GLDC: variants seen among roughly 807,000 people sequenced by gnomAD.
The protein encoded by GLDC is glycine dehydrogenase (decarboxylating), mitochondrial.
Under a neutral mutation model 121.3 loss-of-function variants are expected in GLDC, and 104 were observed. The observed-to-expected ratio is 0.86, with a 90% CI of 0.73 to 1.01. The LOEUF is 1.01. Among genes scored for constraint, GLDC ranks in the 50% least tolerant of loss-of-function variants. The pLI is 0.00. For missense variants in GLDC, 1,429 were observed against 1,306.6 expected (o/e 1.09, Z -1.44); for synonymous variants, 546 against 480.6 (o/e 1.14, Z -1.78).
intron 2 of GLDC, among the ~76,000 whole-genome samples, chr9:6,625,668 T>G (rs1819220329): frequency 6.6e-6 from 1 of 152,208 alleles, no homozygotes; most frequent in East Asian, 1.9e-4. Flanking sequence ...ATAGAGGTGC[T>G]CAAATGTGTT....
chr9:6,580,688 C>T (rs1409939277), intron 15 of GLDC, among the ~76,000 whole-genome samples: 2 of 152,144 alleles, frequency 1.3e-5, no homozygotes, highest in African/African-American at 2.4e-5. Context: ...CTTCTTTTCT[C>T]AAAAGCTGGT....
intron 15 of GLDC, among the ~76,000 whole-genome samples, chr9:6,573,499 T>C (rs995638362): frequency 6.6e-6 from 1 of 151,900 alleles, no homozygotes; most frequent in African/African-American, 2.4e-5. Context: ...TATGTGATTT[T>C]TTAAAAAAAA....
chr9:6,605,497 C>T (rs550575658), intron 5 of GLDC: 11 of 599,236 alleles, frequency 1.8e-5, no homozygotes, highest in African/African-American at 1.8e-4. Context: ...CTTCTATCCT[C>T]TGACTCCCCT....
intron 16 of GLDC, among the ~76,000 whole-genome samples, chr9:6,564,791 T>A (rs972836845): frequency 6.6e-6 from 1 of 152,238 alleles, no homozygotes; most frequent in Non-Finnish European, 1.5e-5. Context: ...CAAGAGGCGA[T>A]TGGGATCCTG....
rs773354023 is a variant in GLDC, at chr9:6,554,661, G to A, written c.2315+8C>T. 1 of 1,589,958 alleles carries A rather than the reference G, an allele frequency of 6.3e-7. No homozygotes were observed. The highest frequency in any genetic ancestry group is 8.6e-7 in the Non-Finnish European group (1 of 1,160,600). ...AAGCCATCCTGAAACCAGCAGCCCA[G>A]AACTTACACTCCGATGGGCCCCATG... is the stretch of plus-strand genomic sequence containing the variant. On this transcript the variant is annotated splice_region_variant and intron_variant, in intron 19 of 24. Transcript: ENST00000321612.
In GLDC at chr9:6,536,305, C is replaced by T. The variant is rs535201181; in HGVS notation, c.2666-69G>A. ...GCCTACCCAGTTTGGAAGAAAAGTTCGTATCCCTTCTTATATTTTATCCTA... is the reference window on the plus strand; with the variant it reads ...GCCTACCCAGTTTGGAAGAAAAGTTTGTATCCCTTCTTATATTTTATCCTA... On this transcript the variant is annotated intron_variant, in intron 22 of 24. Transcript: ENST00000321612. 26 of 1,261,300 alleles carry T rather than the reference C, an allele frequency of 2.1e-5. No individual in the cohort carries two copies. The East Asian group carries it at 5.7e-4, about 28-fold the overall frequency. 78.1% of individuals were successfully genotyped at this position (1,261,300 alleles called of 1,614,324 possible). A position where few individuals can be genotyped will look rare whatever the true frequency, so the allele number is the denominator to read the frequency against.
intron 15 of GLDC, among the ~76,000 whole-genome samples, chr9:6,586,818 C>T (rs1818280800): frequency 1.3e-5 from 2 of 152,180 alleles, no homozygotes; most frequent in African/African-American, 2.4e-5. Context: ...CTTCTCCATG[C>T]TTCATCTGGG....
At chr9:6,619,873 T>G (rs1819047912) in intron 3 of GLDC, among the ~76,000 whole-genome samples, 1 of 152,204 alleles carries the variant, frequency 6.6e-6, no homozygotes, top group South Asian at 2.1e-4. Context: ...TCTGCCCACC[T>G]GCAGGTTTCA....
Position 6,534,696 on chromosome 9 carries a change from C to A in GLDC, c.2919+12G>T. The A allele has an allele frequency of 6.7e-7, 1 of 1,481,504 alleles. No individual in the cohort carries two copies. 91.8% of individuals were successfully genotyped at this position (1,481,504 alleles called of 1,614,324 possible). The stretch of plus-strand genomic sequence containing the variant: ...CCTTCCCAGCTGGCACATTCAGATT[C>A]AGAGAACTTACGAGTGGGAATGCTG... On this transcript the variant is annotated intron_variant, in intron 24 of 24. Coordinates refer to ENST00000321612, the MANE Select transcript of GLDC (RefSeq NM_000170.3).
chr9:6,555,198 T>C (rs762753113), intron 18 of GLDC, among the ~76,000 whole-genome samples: 1 of 152,144 alleles, frequency 6.6e-6, no homozygotes, highest in Admixed American at 6.5e-5. Flanking sequence ...TGATGCACGT[T>C]ACCGAACGGC....
At chr9:6,575,856 G>C (rs900203068) in intron 15 of GLDC, among the ~76,000 whole-genome samples, 6 of 152,334 alleles carry the variant, frequency 3.9e-5, no homozygotes, top group Non-Finnish European at 8.8e-5. Context: ...GAGTGGCAAA[G>C]TGTTATGGAG....
Position 6,587,135 on chromosome 9 carries a change from C to T in GLDC, c.1850+6G>A, listed in dbSNP as rs768874148. The T allele has an allele frequency of 9.9e-6, 16 of 1,610,478 alleles. No individual in the cohort carries two copies. The highest frequency in any genetic ancestry group is 1.7e-5 in the Admixed American group (1 of 59,998). On this transcript the variant is annotated splice_donor_region_variant and intron_variant, in intron 15 of 24. Transcript: ENST00000321612. Reference sequence around the variant, plus strand: ...GCTGAAACAATAAGAAAAGAAATGCCCTTACCTGTTTGGCTGGAAACAGAC... The same window carrying T: ...GCTGAAACAATAAGAAAAGAAATGCTCTTACCTGTTTGGCTGGAAACAGAC...
At chr9:6,591,666 C>T (rs745479739) in intron 11 of GLDC, among the ~76,000 whole-genome samples, 1 of 152,116 alleles carries the variant, frequency 6.6e-6, no homozygotes, top group East Asian at 1.9e-4. Flanking sequence ...CTCACTGCAA[C>T]CGCCGCCTCC....
At chr9:6,629,254 G>A (rs1318902366) in intron 2 of GLDC, among the ~76,000 whole-genome samples, 2 of 147,268 alleles carry the variant, frequency 1.4e-5, no homozygotes, top group Non-Finnish European at 3.0e-5. Context: ...GTCTTCTGTT[G>A]CCCAGGTTGG....
chr9:6,645,658 T>A lies in GLDC; in HGVS notation c.-159A>T, dbSNP rs1353948791. On this transcript the variant is annotated 5_prime_UTR_variant, in exon 1 of 25. Coordinates refer to ENST00000321612, the MANE Select transcript of GLDC (RefSeq NM_000170.3). ...TGGATGGACGCTCGCGGGCAATGAATGGGCGCTGCGCTCAACCAAGACACT... is the reference window on the plus strand; with the variant it reads ...TGGATGGACGCTCGCGGGCAATGAAAGGGCGCTGCGCTCAACCAAGACACT... The A allele has an allele frequency of 7.2e-6, 3 of 415,754 alleles. No homozygotes were observed. The East Asian group carries it at 1.6e-4, about 22-fold the overall frequency. 25.8% of individuals were successfully genotyped at this position (415,754 alleles called of 1,614,324 possible). A position where few individuals can be genotyped will look rare whatever the true frequency, so the allele number is the denominator to read the frequency against.
chr9:6,546,299 C>A (rs1817387356), intron 21 of GLDC, among the ~76,000 whole-genome samples: 1 of 151,968 alleles, frequency 6.6e-6, no homozygotes, highest in African/African-American at 2.4e-5. Flanking sequence ...CTCAAGCAAT[C>A]CTCCTGCCTC....
At chr9:6,613,028 G>C (rs1397715242) in intron 3 of GLDC, among the ~76,000 whole-genome samples, 3 of 152,208 alleles carry the variant, frequency 2.0e-5, no homozygotes, top group East Asian at 1.9e-4. Context: ...AAAACAAGTA[G>C]ATGAACCAAA....
intron 15 of GLDC, among the ~76,000 whole-genome samples, chr9:6,575,515 G>A (rs541227412): frequency 1.3e-5 from 2 of 152,276 alleles, no homozygotes; most frequent in East Asian, 3.9e-4. Flanking sequence ...AATTGCACAA[G>A]CCCTCCAGGT....
At position 6,535,912 on chromosome 9, in the gene GLDC, T is replaced by C; in HGVS notation, c.2838+152A>G. 4.0e-6 allele frequency: 3 copies of C among 743,772 alleles called. No homozygotes were observed. In the South Asian group the frequency reaches 4.6e-5, roughly 11 times the overall value. The allele number at this position is 743,772 out of a possible 1,614,324, so 46.1% of individuals were successfully genotyped here. On this transcript the variant is annotated intron_variant, in intron 23 of 24. Coordinates refer to ENST00000321612, the MANE Select transcript of GLDC (RefSeq NM_000170.3). ...TATGCTGTTCAAGACGATGGAAACT[T>C]CAAAGTAACAACTGCATCTTCTCAG...
Sources: gnomAD v4.1 joint callset for allele counts (sites outside exome capture counted in the v4.1 genomes callset) on GRCh38, gnomAD v4.1.1 for gene constraint, MANE v1.5 for transcripts, NCBI Gene and HGNC (gene_info 2026-07-23, HGNC 2026-07-21) for gene names.